QTMAN: variants seen among roughly 807,000 people sequenced by gnomAD.
QTMAN encodes tRNA-queuosine alpha-mannosyltransferase.
chr2:144,075,350 A>G, the QTMAN span, among the ~76,000 whole-genome samples: 1 of 152,216 alleles, frequency 6.6e-6, no homozygotes, highest in African/African-American at 2.4e-5. Context: ...ACATGACAAG[A>G]TATACTTCTA....
At chr2:143,987,765 GACAA>G in the QTMAN span, among the ~76,000 whole-genome samples, 5 of 152,198 alleles carry the variant, frequency 3.3e-5, no homozygotes, top group South Asian at 2.1e-4. Context: ...GCAATGAGAA[GACAA>G]ACAATTATTT....
the QTMAN span, among the ~76,000 whole-genome samples, chr2:144,043,152 T>C: frequency 1.3e-5 from 2 of 152,106 alleles, no homozygotes; most frequent in African/African-American, 2.4e-5. Context: ...CATTCTGAAA[T>C]GACCGCAGTT....
the QTMAN span, among the ~76,000 whole-genome samples, chr2:143,963,526 G>C: frequency 6.7e-6 from 1 of 149,756 alleles, no homozygotes; most frequent in Non-Finnish European, 1.5e-5. Flanking sequence ...GGTACTCTTT[G>C]AAAAGTTCTC....
At chr2:144,021,036 A>T in the QTMAN span, among the ~76,000 whole-genome samples, 165 of 152,204 alleles carry the variant, frequency 1.1e-3, no homozygotes, top group Non-Finnish European at 1.8e-3. Flanking sequence ...TCAATTTAGG[A>T]GTTGAAGAAA....
the QTMAN span, among the ~76,000 whole-genome samples, chr2:144,108,941 T>C: frequency 6.6e-6 from 1 of 152,208 alleles, no homozygotes; most frequent in African/African-American, 2.4e-5. Context: ...GAACATTCCA[T>C]GCTCATGGAT....
At chr2:144,012,801 A>C in the QTMAN span, among the ~76,000 whole-genome samples, 1 of 152,200 alleles carries the variant, frequency 6.6e-6, no homozygotes, top group Non-Finnish European at 1.5e-5. Flanking sequence ...GTGTATGATT[A>C]AAGAGAAAGA....
At chr2:144,085,835 A>C in the QTMAN span, among the ~76,000 whole-genome samples, 8 of 152,200 alleles carry the variant, frequency 5.3e-5, no homozygotes, top group Non-Finnish European at 7.3e-5. Flanking sequence ...AGAGAAAAAT[A>C]ATTTCAAAAC....
At chr2:144,001,702 T>C in the QTMAN span, among the ~76,000 whole-genome samples, 1 of 151,874 alleles carries the variant, frequency 6.6e-6, no homozygotes, top group African/African-American at 2.4e-5. Flanking sequence ...ATTTCTTATA[T>C]CATAGATCTG....
chr2:144,173,273 C>T, the QTMAN span, among the ~76,000 whole-genome samples: 2 of 152,130 alleles, frequency 1.3e-5, no homozygotes, highest in East Asian at 3.9e-4. Flanking sequence ...TGTAATCCCT[C>T]CCTTTGAGTG....
chr2:144,058,797 G>A, the QTMAN span, among the ~76,000 whole-genome samples: 1 of 151,944 alleles, frequency 6.6e-6, no homozygotes, highest in African/African-American at 2.4e-5. Flanking sequence ...TGTTACACTG[G>A]GTTCTGCCTT....
the QTMAN span, among the ~76,000 whole-genome samples, chr2:144,030,825 A>G: frequency 2.0e-5 from 3 of 152,154 alleles, no homozygotes; most frequent in African/African-American, 7.2e-5. Flanking sequence ...AAGCTCTGGG[A>G]GTATTCTCAG....
the QTMAN span, chr2:144,007,596 T>C: frequency 9.0e-7 from 1 of 1,111,652 alleles, no homozygotes; most frequent in Non-Finnish European, 1.3e-6. Context: ...AATTTGTCCT[T>C]TACCTTCCTG....
At chr2:144,034,661 GT>G in the QTMAN span, among the ~76,000 whole-genome samples, 4 of 152,082 alleles carry the variant, frequency 2.6e-5, no homozygotes, top group East Asian at 7.7e-4. Flanking sequence ...ATTTGCCAAT[GT>G]TCCTCCTTCC....
chr2:144,219,016 C>T, the QTMAN span, among the ~76,000 whole-genome samples: 7 of 150,690 alleles, frequency 4.6e-5, no homozygotes, highest in East Asian at 1.4e-3. Context: ...CCATAAGAGA[C>T]TGAAGAACTA....
At chr2:144,092,339 C>T in the QTMAN span, among the ~76,000 whole-genome samples, 2 of 151,982 alleles carry the variant, frequency 1.3e-5, no homozygotes, top group African/African-American at 4.8e-5. Flanking sequence ...CCGTGCCTGG[C>T]TAATTTTTTG....
At chr2:144,015,598 T>C in the QTMAN span, among the ~76,000 whole-genome samples, 2 of 152,210 alleles carry the variant, frequency 1.3e-5, no homozygotes, top group Non-Finnish European at 2.9e-5. Flanking sequence ...AATGCACTCA[T>C]CATATTTTGT....
the QTMAN span, among the ~76,000 whole-genome samples, chr2:144,228,074 G>C: frequency 6.6e-6 from 1 of 152,100 alleles, no homozygotes. Flanking sequence ...AGAGGCAAAA[G>C]TAACATGCTA....
the QTMAN span, among the ~76,000 whole-genome samples, chr2:144,332,032 G>T: frequency 1.3e-5 from 2 of 152,226 alleles, no homozygotes; most frequent in East Asian, 1.9e-4. Flanking sequence ...TCTCCCGCGC[G>T]AGGGCGACGT....
chr2:144,297,709 T>C, the QTMAN span, among the ~76,000 whole-genome samples: 2 of 151,352 alleles, frequency 1.3e-5, no homozygotes, highest in African/African-American at 2.4e-5. Context: ...GCCTCCTAAG[T>C]AGCTGGGACT....
Sources: allele counts gnomAD v4.1 joint callset (sites outside exome capture counted in the v4.1 genomes callset), GRCh38; gene constraint gnomAD v4.1.1; transcripts MANE v1.5; gene names NCBI Gene and HGNC (gene_info 2026-07-23, HGNC 2026-07-21).